MDN1: variants seen among roughly 807,000 people sequenced by gnomAD.
MDN1 encodes the protein midasin.
Under a neutral mutation model 669.2 loss-of-function variants are expected in MDN1, and 266 were observed. That is an observed-to-expected ratio of 0.40 (90% CI 0.36 to 0.44). MDN1 has a LOEUF of 0.44. Among genes scored for constraint, MDN1 ranks in the 20% least tolerant of loss-of-function variants. The pLI is 1.00. For missense variants in MDN1, 5,940 were observed against 6,754.0 expected (o/e 0.88, Z 4.22); for synonymous variants, 2,385 against 2,457.1 (o/e 0.97, Z 0.87).
intron 15 of MDN1, among the ~76,000 whole-genome samples, chr6:89,764,779 G>A (rs1817719536): frequency 6.6e-6 from 1 of 152,162 alleles, no homozygotes; most frequent in Admixed American, 6.5e-5. Flanking sequence ...CAGCAACACA[G>A]GGGAAGGTGA....
rs77360686 is a variant in MDN1 at position 89,707,243 on chromosome 6, G to C, written c.8014+118C>G. 1,436 of 697,272 alleles carry C rather than the reference G, an allele frequency of 2.1e-3. 18 individuals are homozygous for C. The African/African-American group carries it at 0.023, about 11-fold the overall frequency. 43.2% of individuals were successfully genotyped at this position (697,272 alleles called of 1,614,324 possible). A position where few individuals can be genotyped will look rare whatever the true frequency, so the allele number is the denominator to read the frequency against. On this transcript the variant is annotated intron_variant, in intron 52 of 101. Transcript: ENST00000369393. Reference sequence around the variant, plus strand: ...GAGTAAGGGGACATGTTTAAAATCAGGCCAGCAGATTAAAAGAAACCAGTA... The same window carrying C: ...GAGTAAGGGGACATGTTTAAAATCACGCCAGCAGATTAAAAGAAACCAGTA...
rs753007835 is a variant in MDN1 at position 89,650,827 on chromosome 6, C to T, written c.15936G>A (p.Met5312Ile). 1.7e-5 allele frequency: 27 copies of T among 1,614,094 alleles called. No individual in the cohort carries two copies. The Middle Eastern group carries it at 2.8e-3, about 168-fold the overall frequency. ...CTGTTAAGATCAGGTAACTCTGCCA[C>T]ATCTCAGCTGCAACCTTCTCCTGTG... ...NPEEEKVAAEMWQSYLILTAP... is the reference protein window; with the variant it reads ...NPEEEKVAAEIWQSYLILTAP... Residue 5312 changes from methionine to isoleucine, a missense_variant, in exon 96 of 102, where the codon ATG becomes ATA. Physicochemically the swap from Met to Ile is conservative, Grantham distance 10 (BLOSUM62 1). This residue lies in a region of MDN1 where 2,280 missense variants were observed against 2,576.3 expected (regional missense o/e 0.88). Transcript: ENST00000369393.
rs369531309 is a variant in MDN1 at position 89,646,597 on chromosome 6, C to A, written c.16402G>T (p.Glu5468Ter). ...GCTGCAAACATGTTGGCAACAGACTCTAGAAACTAAACCGGAACCAGGAAT... is the reference window on the plus strand; with the variant it reads ...GCTGCAAACATGTTGGCAACAGACTATAGAAACTAAACCGGAACCAGGAAT... ...QKKTKIAQFL[E>*]SVANMFAAAQ... The change falls in exon 100 of 102, where the codon GAG becomes TAG. Residue 5468 changes from glutamate (E) to a stop codon, truncating the protein, a stop_gained. Coordinates refer to ENST00000369393, the MANE Select transcript of MDN1 (RefSeq NM_014611.3). LOFTEE classifies it high-confidence loss of function. 9.9e-6 allele frequency: 16 copies of A among 1,614,038 alleles called. No homozygotes were observed. Among genetic ancestry groups the A allele is most frequent in the Non-Finnish European group, 1.4e-5 (16 of 1,179,910 alleles).
At chr6:89,730,597 A>G in intron 35 of MDN1, 129 bp downstream of exon 35, 1 of 717,728 alleles carries the variant, frequency 1.4e-6, no homozygotes, top group Non-Finnish European at 2.3e-6. Context: ...GGTTATTCTC[A>G]AGTCAGAATC....
In MDN1 at chr6:89,688,902, G is replaced by A. The variant is rs1021701874; in HGVS notation, c.11024-94C>T. On this transcript the variant is annotated intron_variant, in intron 65 of 101. Transcript: ENST00000369393. ...GTCAGCAACAGGGCCAGGTGCAGTG[G>A]CTCATGTCTGTAATCCCAGCACTTT... 9 of 1,001,964 alleles carry A rather than the reference G, an allele frequency of 9.0e-6. No individual in the cohort carries two copies. The African/African-American group carries it at 1.1e-4, about 12-fold the overall frequency. 62.1% of individuals were successfully genotyped at this position (1,001,964 alleles called of 1,614,324 possible). A position where few individuals can be genotyped will look rare whatever the true frequency, so the allele number is the denominator to read the frequency against.
intron 63 of MDN1, among the ~76,000 whole-genome samples, chr6:89,692,006 T>G (rs928325568): frequency 6.6e-6 from 1 of 152,218 alleles, no homozygotes; most frequent in African/African-American, 2.4e-5. Context: ...CAAGCAAGCC[T>G]GGAATGGGAT....
chr6:89,773,198 TAAATCCAATGACTG>T (rs1818192642), intron 13 of MDN1, among the ~76,000 whole-genome samples: 1 of 152,190 alleles, frequency 6.6e-6, no homozygotes, highest in African/African-American at 2.4e-5. Context: ...GGGTGGGTCT[TAAATCCAATGACTG>T]GTGTCCTTAT....
Position 89,700,206 on chromosome 6 carries a change from T to G in MDN1, c.8727A>C (p.Glu2909Asp). The part of the protein sequence containing the change: ...SLGFLEKKHD[E>D]ASSLSHPDLT... ...AGTCTGGATGGGACAGGGAGGAAGC[T>G]TCATCATGCTTTTTCTCCAGAAAAC... The change falls in exon 57 of 102, where the codon GAA (glutamate) becomes GAC (aspartate). Residue 2909 changes from glutamate (E) to aspartate (D), a missense_variant. Transcript: ENST00000369393. 6.2e-7 allele frequency: 1 copy of G among 1,614,210 alleles called. No homozygotes were observed. The highest frequency in any genetic ancestry group is 1.1e-5 in the South Asian group (1 of 91,078).
At position 89,730,862 on chromosome 6, in the gene MDN1, T is replaced by C. The variant is rs376605987; in HGVS notation, c.5004A>G (p.Leu1668=). ...LLARKECLKF[L]IKRLAKIVRL... ...GTACTATCTTGGCAAGCCTCTTGAT[T>C]AGAAATTTCAGACATTCTTTTCGTG... Residue 1668 remains leucine, a synonymous_variant, in exon 35 of 102, where the codon CTA becomes CTG. Transcript: ENST00000369393. The C allele has an allele frequency of 6.2e-7, 1 of 1,614,096 alleles. No homozygotes were observed. Among genetic ancestry groups the C allele is most frequent in the South Asian group, 1.1e-5 (1 of 91,078 alleles).
chr6:89,694,016 A>G (rs1301943780), intron 62 of MDN1, 58 bp downstream of exon 62: 2 of 1,367,534 alleles, frequency 1.5e-6, no homozygotes, highest in Non-Finnish European at 2.1e-6. Flanking sequence ...CCATAACTAC[A>G]TTACATCAAA....
Position 89,718,890 on chromosome 6 carries a change from C to T in MDN1, c.6198G>A (p.Gly2066=). Reference sequence around the variant, plus strand: ...GGCTGGTCTTGCCCACAGAGGCTGGCCCGACCAGGATGACCATCCAGCTCA... The same window carrying T: ...GGCTGGTCTTGCCCACAGAGGCTGGTCCGACCAGGATGACCATCCAGCTCA... ...VQMSWMVILV[G]PASVGKTSLV... is the part of the protein sequence containing the mutation. Residue 2066 remains glycine, a synonymous_variant, in exon 42 of 102, where the codon GGG becomes GGA. Transcript: ENST00000369393. 1.2e-6 allele frequency: 2 copies of T among 1,614,042 alleles called. No individual in the cohort carries two copies. The highest frequency in any genetic ancestry group is 1.7e-6 in the Non-Finnish European group (2 of 1,180,012).
intron 1 of MDN1, among the ~76,000 whole-genome samples, chr6:89,816,130 C>T (rs749037777): frequency 8.5e-5 from 13 of 152,250 alleles, no homozygotes; most frequent in Middle Eastern, 3.4e-3. Context: ...CTGGGCGCAG[C>T]GGCTCACACC....
In MDN1 at chr6:89,694,125, C is replaced by T. The variant is rs1404827838; in HGVS notation, c.9830G>A (p.Gly3277Glu). The T allele has an allele frequency of 6.2e-7, 1 of 1,614,184 alleles. No individual in the cohort carries two copies. The change falls in exon 62 of 102, where the codon GGA (glycine) becomes GAA (glutamate). Residue 3277 changes from glycine to glutamate, a missense_variant. Physicochemically the swap from Gly to Glu is moderately conservative, Grantham distance 98. Transcript: ENST00000369393. Reference sequence around the variant, plus strand: ...AACGACTTCATCTTCCAGGTCTCTTCCAGTCTGCAGCTGGGATGACAGGTT... The same window carrying T: ...AACGACTTCATCTTCCAGGTCTCTTTCAGTCTGCAGCTGGGATGACAGGTT... ...TRNLSSQLQT[G>E]RDLEDEVVVS...
intron 42 of MDN1, 54 bp from the exon 43 acceptor site, chr6:89,718,681 T>C: frequency 6.2e-7 from 1 of 1,607,498 alleles, no homozygotes. Context: ...TACTGTTATC[T>C]GTACTCATCA....
At position 89,692,733 on chromosome 6, in the gene MDN1, C is replaced by G; in HGVS notation, c.10297G>C (p.Gly3433Arg). 3.7e-6 allele frequency: 6 copies of G among 1,614,102 alleles called. No homozygotes were observed. Among genetic ancestry groups the G allele is most frequent in the Non-Finnish European group, 5.1e-6 (6 of 1,179,968 alleles). ...GCCAGCAAGGCTGTGGCCAGGGTCC[C>G]CAGCCTGTCTGCACCAACCATACTG... ...HSSMVGADRL[G>R]TLATALLAFP... The change falls in exon 63 of 102, where the codon GGG (glycine) becomes CGG (arginine). Residue 3433 changes from glycine to arginine, a missense_variant. Around this residue, in one of 5 missense-constraint regions of MDN1, gnomAD observed 150 missense variants for 234.2 expected, o/e 0.64. Coordinates refer to ENST00000369393, the MANE Select transcript of MDN1 (RefSeq NM_014611.3).
At chr6:89,710,633 G>A (rs1813831212) in intron 50 of MDN1, 48 bp downstream of exon 50, 1 of 1,118,110 alleles carries the variant, frequency 8.9e-7, no homozygotes. Context: ...AAAGTCAAAA[G>A]ATAAGTTTCC....
Position 89,700,765 on chromosome 6 carries a change from C to A in MDN1, c.8519G>T (p.Gly2840Val), listed in dbSNP as rs769765376. 1 of 1,614,160 alleles carries A rather than the reference C, an allele frequency of 6.2e-7. No homozygotes were observed. The highest frequency in any genetic ancestry group is 1.7e-5 in the Admixed American group (1 of 60,022). The stretch of plus-strand genomic sequence containing the variant: ...GAGACGGTTAATGTCTTCCTGCCAT[C>A]CACTCTCCCCAAGGGCAGACATCTG... Reference protein sequence around the residue: ...REQMSALGESGWQEDINRLQV... With the variant: ...REQMSALGESVWQEDINRLQV... Residue 2840 changes from glycine to valine, a missense_variant, in exon 56 of 102, where the codon GGA becomes GTA. Transcript: ENST00000369393.
At chr6:89,771,895 A>G (rs1310768437) in intron 14 of MDN1, among the ~76,000 whole-genome samples, 5 of 152,032 alleles carry the variant, frequency 3.3e-5, no homozygotes, top group Non-Finnish European at 5.9e-5. Flanking sequence ...TTTTGTAGAG[A>G]CAGGGTCTCA....
At chr6:89,691,590 T>A (rs754837853) in intron 63 of MDN1, among the ~76,000 whole-genome samples, 4 of 152,186 alleles carry the variant, frequency 2.6e-5, no homozygotes, top group Admixed American at 1.3e-4. Flanking sequence ...CAAATGTAAA[T>A]GTTCAATGAT....
Sources: allele counts gnomAD v4.1 joint callset (sites outside exome capture counted in the v4.1 genomes callset), GRCh38; gene constraint gnomAD v4.1.1; regional missense constraint gnomAD v4.1.1; transcripts MANE v1.5; gene names NCBI Gene and HGNC (gene_info 2026-07-23, HGNC 2026-07-21).